Variants in PRKCE observed in about 807,000 individuals in gnomAD.
PRKCE encodes protein kinase C epsilon.
PRKCE carries 16 observed loss-of-function variants against 85.4 expected under a neutral mutation model. That is an observed-to-expected ratio of 0.19 (90% confidence interval 0.13 to 0.28). The LOEUF (loss-of-function observed/expected upper bound fraction) is 0.28, where lower values mean the gene tolerates loss of function less well. PRKCE is among the 10% of genes least tolerant of loss of function. PRKCE has a pLI of 1.00. For missense variants in PRKCE, 573 were observed against 975.2 expected, an observed-to-expected ratio of 0.59 and a Z score of 5.49; for synonymous variants, 388 against 371.5, an observed-to-expected ratio of 1.04 and a Z score of -0.51.
intron 2 of PRKCE, among the ~76,000 whole-genome samples, chr2:45,928,012 T>C (rs1698761786): frequency 6.6e-6 from 1 of 151,714 alleles, no homozygotes; most frequent in Non-Finnish European, 1.5e-5. Context: ...CGAGGAAGAG[T>C]ATCTGGCTAT....
At position 45,999,524 on chromosome 2, in the gene PRKCE, G is replaced by A. The variant is rs144193415; in HGVS notation, c.824-1880G>A. Among the ~76,000 whole-genome samples the A allele has an allele frequency of 3.2e-3, 490 of 151,420 alleles. 2 individuals carry two copies. The highest frequency in any genetic ancestry group is 0.011 in the African/African-American group (461 of 41,260). On this transcript the variant is annotated intron_variant, in intron 6 of 14. Coordinates refer to ENST00000306156, the MANE Select transcript of PRKCE (RefSeq NM_005400.3). ...GCGTTTTTTAAATAGTTGATTTTCT[G>A]TAGTTTAGAAATTATATGCCTTGGT...
chr2:45,717,124 C>T (rs1367597290), intron 1 of PRKCE, among the ~76,000 whole-genome samples: 1 of 152,114 alleles, frequency 6.6e-6, no homozygotes, highest in Non-Finnish European at 1.5e-5. Context: ...GTCCAAGGTC[C>T]CTAAGTGAAA....
At chr2:45,964,430 C>T (rs1196671621) in intron 2 of PRKCE, among the ~76,000 whole-genome samples, 2 of 152,230 alleles carry the variant, frequency 1.3e-5, no homozygotes. Flanking sequence ...TGGTCCCACC[C>T]TTGGCTGGTG....
At chr2:46,049,785 A>T (rs190767890) in intron 10 of PRKCE, among the ~76,000 whole-genome samples, 68 of 152,290 alleles carry the variant, frequency 4.5e-4, no homozygotes, top group Admixed American at 1.8e-3. Flanking sequence ...CTTGTGTTAC[A>T]CATCAGTTTA....
At chr2:45,963,960 G>A (rs1308290709) in intron 2 of PRKCE, among the ~76,000 whole-genome samples, 1 of 152,216 alleles carries the variant, frequency 6.6e-6, no homozygotes, top group South Asian at 2.1e-4. Context: ...GAGGTAGCTG[G>A]GAGCCTTGTG....
intron 1 of PRKCE, among the ~76,000 whole-genome samples, chr2:45,833,827 G>A (rs549585217): frequency 5.9e-5 from 9 of 152,308 alleles, no homozygotes; most frequent in Admixed American, 2.0e-4. Context: ...CAGAATGCTT[G>A]GGTAGGTGGC....
chr2:45,951,446 T>G (rs1700613567), intron 2 of PRKCE, among the ~76,000 whole-genome samples: 1 of 152,186 alleles, frequency 6.6e-6, no homozygotes, highest in Non-Finnish European at 1.5e-5. Flanking sequence ...TCACTGAGAC[T>G]AGGCAGTATG....
chr2:45,892,996 T>C (rs1023854915), intron 2 of PRKCE, among the ~76,000 whole-genome samples: 25 of 152,122 alleles, frequency 1.6e-4, no homozygotes, highest in African/African-American at 6.0e-4. Context: ...CTGCCCACTT[T>C]CCCATTGCCT....
chr2:45,909,811 A>C (rs1269782267), intron 2 of PRKCE, among the ~76,000 whole-genome samples: 1 of 152,200 alleles, frequency 6.6e-6, no homozygotes, highest in Non-Finnish European at 1.5e-5. Context: ...TCTTTCCTTC[A>C]GGCAGGTATT....
At chr2:46,119,278 AG>A in intron 11 of PRKCE, among the ~76,000 whole-genome samples, 1 of 152,166 alleles carries the variant, frequency 6.6e-6, no homozygotes, top group Non-Finnish European at 1.5e-5. Flanking sequence ...TTTGTGAAAG[AG>A]AAAAAAAAAG....
intron 1 of PRKCE, among the ~76,000 whole-genome samples, chr2:45,792,828 T>C (rs1264612559): frequency 6.6e-6 from 1 of 152,216 alleles, no homozygotes; most frequent in Non-Finnish European, 1.5e-5. Flanking sequence ...AGACAGAGTC[T>C]TGCTCCATCA....
intron 11 of PRKCE, among the ~76,000 whole-genome samples, chr2:46,126,160 T>C (rs1374668919): frequency 6.6e-6 from 1 of 152,196 alleles, no homozygotes; most frequent in African/African-American, 2.4e-5. Flanking sequence ...GTGCCTGTTG[T>C]CTTAGAAGCA....
intron 1 of PRKCE, among the ~76,000 whole-genome samples, chr2:45,661,460 TAA>T (rs1199911722): frequency 6.7e-6 from 1 of 150,214 alleles, no homozygotes; most frequent in Non-Finnish European, 1.5e-5. Context: ...TGGGATTATA[TAA>T]GAGAAGTGAG....
At chr2:45,666,957 C>T (rs1002070632) in intron 1 of PRKCE, among the ~76,000 whole-genome samples, 2 of 152,190 alleles carry the variant, frequency 1.3e-5, no homozygotes, top group Non-Finnish European at 2.9e-5. Context: ...CCTCTTGCCT[C>T]AGCCTCCCAA....
At chr2:45,795,790 T>A (rs1687391659) in intron 1 of PRKCE, among the ~76,000 whole-genome samples, 1 of 152,192 alleles carries the variant, frequency 6.6e-6, no homozygotes, top group South Asian at 2.1e-4. Context: ...TGTCACTGTC[T>A]GCTGGTCCTG....
intron 1 of PRKCE, among the ~76,000 whole-genome samples, chr2:45,680,965 T>C (rs749985861): frequency 1.6e-4 from 25 of 152,220 alleles, no homozygotes; most frequent in Non-Finnish European, 2.2e-4. Flanking sequence ...TAGTAACTTA[T>C]GTATTATAAT....
At chr2:45,709,110 C>T (rs751594317) in intron 1 of PRKCE, among the ~76,000 whole-genome samples, 2 of 152,232 alleles carry the variant, frequency 1.3e-5, no homozygotes, top group African/African-American at 2.4e-5. Context: ...CGCTGCTGCT[C>T]ACACCTGGAG....
chr2:45,948,409 G>A (rs555002116), intron 2 of PRKCE, among the ~76,000 whole-genome samples: 3 of 152,306 alleles, frequency 2.0e-5, no homozygotes, highest in Non-Finnish European at 4.4e-5. Flanking sequence ...GGAGGCCAAG[G>A]TGGGATGATC....
At chr2:45,850,049 A>G (rs185464618) in intron 2 of PRKCE, among the ~76,000 whole-genome samples, 9 of 152,290 alleles carry the variant, frequency 5.9e-5, no homozygotes, top group East Asian at 5.8e-4. Flanking sequence ...TTTCCTTCCA[A>G]ATAGCCTCTA....
Sources: gnomAD v4.1 joint callset for allele counts (sites outside exome capture counted in the v4.1 genomes callset) on GRCh38, gnomAD v4.1.1 for gene constraint, MANE v1.5 for transcripts, NCBI Gene and HGNC (gene_info 2026-07-23, HGNC 2026-07-21) for gene names.